SLF2: variants seen among roughly 807,000 people sequenced by gnomAD.
The protein encoded by SLF2 is SMC5/6 complex localization factor 2.
In SLF2, 68 loss-of-function variants were observed where a neutral mutation model predicts 124.3. The observed-to-expected ratio is 0.55, with a 90% CI of 0.45 to 0.67. The LOEUF is 0.67. SLF2 is among the 30% of genes least tolerant of loss of function. The pLI is 0.00. For missense variants in SLF2, 1,246 were observed against 1,373.7 expected, an observed-to-expected ratio of 0.91 and a Z score of 1.47; for synonymous variants, 480 against 478.8, an observed-to-expected ratio of 1.00 and a Z score of -0.03.
chr10:100,949,097 G>A (rs1850162568), intron 15 of SLF2, among the ~76,000 whole-genome samples: 2 of 152,196 alleles, frequency 1.3e-5, no homozygotes, highest in South Asian at 2.1e-4. Flanking sequence ...AAGCATGCAC[G>A]AGATGCTGTG....
At chr10:100,932,716 TGTGTGCGCGCGCGC>T (rs971742642) in intron 9 of SLF2, among the ~76,000 whole-genome samples, 15 of 37,208 alleles carry the variant, frequency 4.0e-4, no homozygotes, top group African/African-American at 6.2e-4. Flanking sequence ...TGTGTGTGTG[TGTGTGCGCGCGCGC>T]GCGCGCGCAC....
chr10:100,913,087 G>A lies in SLF2; in HGVS notation c.-24G>A. ...CCCAACTTCTCCAGCCACGGCTCAT[G>A]CCGCCGTCGCCAGCGGCGCCGACAT... On this transcript the variant is annotated 5_prime_UTR_variant, in exon 1 of 20. An upstream start codon of the reference 5' UTR is lost. Coordinates refer to ENST00000238961, the MANE Select transcript of SLF2 (RefSeq NM_018121.4). 6.2e-7 allele frequency: 1 copy of A among 1,607,668 alleles called. No individual in the cohort carries two copies. Among genetic ancestry groups the A allele is most frequent in the Non-Finnish European group, 8.5e-7 (1 of 1,177,132 alleles).
At chr10:100,922,181 C>T (rs1449717831) in intron 4 of SLF2, among the ~76,000 whole-genome samples, 1 of 152,186 alleles carries the variant, frequency 6.6e-6, no homozygotes, top group Non-Finnish European at 1.5e-5. Flanking sequence ...GGGGCTCAAG[C>T]AGTCCTCCCA....
rs111530755 is a variant in SLF2 at position 100,932,692 on chromosome 10, A to AGTGT, written c.2436+1640_2436+1643dup. On this transcript the variant is annotated intron_variant, in intron 9 of 19. Transcript: ENST00000238961. ...GCTAATGTAGAGGAGACAAACAATA[A>AGTGT]GTGTGTGTGTGTGTGTGTGTGTGTG... Among the ~76,000 whole-genome samples the AGTGT allele has an allele frequency of 2.7e-3, 355 of 133,578 alleles. 2 individuals are homozygous for AGTGT. Among genetic ancestry groups the AGTGT allele is most frequent in the South Asian group, 7.4e-3 (30 of 4,072 alleles). The allele number at this position is 133,578 out of a possible 152,430, so 87.6% of individuals were successfully genotyped here. A position where few individuals can be genotyped will look rare whatever the true frequency, so the allele number is the denominator to read the frequency against.
Position 100,916,551 on chromosome 10 carries a change from G to A in SLF2, c.185-19G>A. ...TTTTACTAACATGCAATTTGTATGT[G>A]TTTTAATTGGCTATTTAGACAGACA... On this transcript the variant is annotated intron_variant, in intron 2 of 19. Coordinates refer to ENST00000238961, the MANE Select transcript of SLF2 (RefSeq NM_018121.4). 1 of 1,322,880 alleles carries A rather than the reference G, an allele frequency of 7.6e-7. No individual in the cohort carries two copies. The highest frequency in any genetic ancestry group is 9.7e-7 in the Non-Finnish European group (1 of 1,028,068). 81.9% of individuals were successfully genotyped at this position (1,322,880 alleles called of 1,614,324 possible).
intron 6 of SLF2, 73 bp downstream of exon 6, chr10:100,926,092 T>G: frequency 6.2e-7 from 1 of 1,612,318 alleles, no homozygotes; most frequent in South Asian, 1.1e-5. Flanking sequence ...TTAATTTACC[T>G]TTTTTAAAAA....
intron 12 of SLF2, 97 bp downstream of exon 12, chr10:100,944,225 G>A (rs1214260602): frequency 2.9e-6 from 2 of 695,496 alleles, no homozygotes; most frequent in African/African-American, 1.9e-5. Flanking sequence ...GCCGGGCGCG[G>A]TGGCTCACGC....
Position 100,960,914 on chromosome 10 carries a change from T to C in SLF2, c.3487-963T>C, listed in dbSNP as rs182567173. Reference sequence around the variant, plus strand: ...TAAAATGACGCTTCTCAAATTTTAATGTACATAGGAATCAACTAGGAACTT... The same window carrying C: ...TAAAATGACGCTTCTCAAATTTTAACGTACATAGGAATCAACTAGGAACTT... On this transcript the variant is annotated intron_variant, in intron 19 of 19. Coordinates refer to ENST00000238961, the MANE Select transcript of SLF2 (RefSeq NM_018121.4). Among the ~76,000 whole-genome samples, 6 of 151,588 alleles carry C rather than the reference T, an allele frequency of 4.0e-5. No homozygotes were observed. In the East Asian group the frequency reaches 1.2e-3, roughly 29 times the overall value.
At chr10:100,925,278 A>G (rs1173542531) in intron 5 of SLF2, among the ~76,000 whole-genome samples, 2 of 152,224 alleles carry the variant, frequency 1.3e-5, no homozygotes, top group Non-Finnish European at 2.9e-5. Flanking sequence ...TTTCTAAAGC[A>G]TATGCAAAAA....
At chr10:100,917,359 A>G in intron 3 of SLF2, 59 bp downstream of exon 3, 1 of 1,494,390 alleles carries the variant, frequency 6.7e-7, no homozygotes, top group African/African-American at 1.4e-5. Flanking sequence ...TAGAATACTA[A>G]ATTTAAAAAT....
At chr10:100,955,179 A>G (rs1356708531) in intron 17 of SLF2, among the ~76,000 whole-genome samples, 1 of 151,554 alleles carries the variant, frequency 6.6e-6, no homozygotes, top group Non-Finnish European at 1.5e-5. Context: ...TGACCTTGTG[A>G]TCTGCCCGCC....
chr10:100,923,905 A>G, intron 4 of SLF2, 70 bp from the exon 5 acceptor site: 3 of 1,270,784 alleles, frequency 2.4e-6, no homozygotes, highest in Non-Finnish European at 2.1e-6. Flanking sequence ...AGGGTGTTCT[A>G]GACACTGAAT....
chr10:100,946,925 GCT>G (rs1850115599), intron 13 of SLF2, 112 bp from the exon 14 acceptor site: 13 of 770,140 alleles, frequency 1.7e-5, no homozygotes, highest in Admixed American at 8.5e-5. Flanking sequence ...CTAAAAATGT[GCT>G]CTGTTTTGTA....
At chr10:100,960,997 T>A (rs11190767) in intron 19 of SLF2, among the ~76,000 whole-genome samples, 9,353 of 125,132 alleles carry the variant, frequency 0.075, 763 homozygotes, top group African/African-American at 0.15. Context: ...ATTCTGTACT[T>A]CTTTTTTTTT....
At chr10:100,950,625 C>T in intron 16 of SLF2, 51 bp from the exon 17 acceptor site, 1 of 1,467,172 alleles carries the variant, frequency 6.8e-7, no homozygotes, top group South Asian at 1.2e-5. Context: ...ATTGGAATGA[C>T]ATCTATGCTA....
intron 17 of SLF2, among the ~76,000 whole-genome samples, chr10:100,952,105 G>A (rs1226421739): frequency 4.6e-5 from 7 of 151,708 alleles, no homozygotes; most frequent in Middle Eastern, 3.2e-3. Context: ...TTAGCCGGGC[G>A]TGTTGGTGCG....
At position 100,921,637 on chromosome 10, in the gene SLF2, A is replaced by G. The variant is rs76779271; in HGVS notation, c.974-2338A>G. ...CTTAATAAGCTGACTTATCCTAAAC[A>G]TCTTCCACAAACAGTGTTTGTCTCC... On this transcript the variant is annotated intron_variant, in intron 4 of 19. Transcript: ENST00000238961. 3.0e-3 allele frequency among the ~76,000 whole-genome samples: 451 copies of G among 152,304 alleles called. 2 individuals are homozygous for G. Among genetic ancestry groups the G allele is most frequent in the African/African-American group, 9.9e-3 (413 of 41,560 alleles).
At position 100,920,748 on chromosome 10, in the gene SLF2, G is replaced by A. The variant is rs1325691732; in HGVS notation, c.973+2307G>A. Among the ~76,000 whole-genome samples the A allele has an allele frequency of 2.0e-5, 3 of 152,102 alleles. No homozygotes were observed. In the East Asian group the frequency reaches 5.8e-4, roughly 29 times the overall value. On this transcript the variant is annotated intron_variant, in intron 4 of 19. Transcript: ENST00000238961. ...ATGGATCACCTGAGGTCAGGAGTTC[G>A]AGACCAGCCTGGCCAACATGGTGAG...
chr10:100,944,442 C>T (rs1850057183), intron 12 of SLF2, among the ~76,000 whole-genome samples: 1 of 148,252 alleles, frequency 6.7e-6, no homozygotes, highest in South Asian at 2.2e-4. Context: ...TTGCAGTGAG[C>T]CGGGATCGTG....
Sources: gnomAD v4.1 joint callset for allele counts (sites outside exome capture counted in the v4.1 genomes callset) on GRCh38, gnomAD v4.1.1 for gene constraint, MANE v1.5 for transcripts, NCBI Gene and HGNC (gene_info 2026-07-23, HGNC 2026-07-21) for gene names.